Variants in PRIMPOL observed in about 807,000 individuals in gnomAD.
The protein encoded by PRIMPOL is primase and DNA directed polymerase, also known as DNA-directed primase/polymerase protein.
Under a neutral mutation model 63.6 loss-of-function variants are expected in PRIMPOL, and 54 were observed. That is an observed-to-expected ratio of 0.85 (90% CI 0.68 to 1.07). The LOEUF (loss-of-function observed/expected upper bound fraction) is 1.07. PRIMPOL is among the 50% of genes least tolerant of loss of function. The pLI is 0.00. For synonymous variants in PRIMPOL, 197 were observed against 220.2 expected (o/e 0.89, Z 0.93); for missense variants, 610 against 648.3 (o/e 0.94, Z 0.64).
chr4:184,671,949 C>T (rs997947832), intron 6 of PRIMPOL, among the ~76,000 whole-genome samples: 25 of 151,850 alleles, frequency 1.6e-4, no homozygotes, highest in African/African-American at 5.3e-4. Flanking sequence ...ACCGTGTTAA[C>T]CAGGATGGTC....
intron 2 of PRIMPOL, among the ~76,000 whole-genome samples, chr4:184,656,780 T>C (rs571185712): frequency 1.3e-5 from 2 of 152,374 alleles, no homozygotes; most frequent in Non-Finnish European, 2.9e-5. Flanking sequence ...GCTTATGTCT[T>C]ACCACATTTA....
chr4:184,661,663 A>G, intron 4 of PRIMPOL, 111 bp from the exon 5 acceptor site: 2 of 629,660 alleles, frequency 3.2e-6, no homozygotes, highest in South Asian at 2.4e-5. Context: ...CCGAGATCAC[A>G]CCACTGCAGT....
intron 4 of PRIMPOL, among the ~76,000 whole-genome samples, chr4:184,660,870 A>C (rs1360287887): frequency 1.3e-5 from 2 of 152,290 alleles, no homozygotes; most frequent in Non-Finnish European, 2.9e-5. Context: ...TCTGAATATC[A>C]CTTAGCCCAA....
chr4:184,693,144 T>C (rs10013374), intron 13 of PRIMPOL, among the ~76,000 whole-genome samples: 10,054 of 152,246 alleles, frequency 0.066, 1,065 homozygotes, highest in African/African-American at 0.23. Flanking sequence ...AAACTCCATA[T>C]GTTTGAAATG....
At chr4:184,664,292 T>C (rs927325567) in intron 5 of PRIMPOL, among the ~76,000 whole-genome samples, 22 of 152,258 alleles carry the variant, frequency 1.4e-4, no homozygotes, top group Non-Finnish European at 1.3e-4. Flanking sequence ...TCAGGCACTG[T>C]GCCCAGGCAC....
Position 184,682,350 on chromosome 4 carries a change from T to A in PRIMPOL, c.1096+14T>A, listed in dbSNP as rs1359245261. 1.4e-6 allele frequency: 2 copies of A among 1,445,166 alleles called. No individual in the cohort carries two copies. The highest frequency in any genetic ancestry group is 2.8e-5 in the African/African-American group (2 of 71,606). 89.5% of individuals were successfully genotyped at this position (1,445,166 alleles called of 1,614,324 possible). A position where few individuals can be genotyped will look rare whatever the true frequency, so the allele number is the denominator to read the frequency against. On this transcript the variant is annotated intron_variant, in intron 9 of 13. Transcript: ENST00000314970. Reference sequence around the variant, plus strand: ...TCGGCACTTCAGGTAAATTTTTTGATGTTTGTTTTTCTTTTTGAGACAGCA... The same window carrying A: ...TCGGCACTTCAGGTAAATTTTTTGAAGTTTGTTTTTCTTTTTGAGACAGCA...
intron 1 of PRIMPOL, among the ~76,000 whole-genome samples, chr4:184,651,290 CA>C (rs1203681677): frequency 6.9e-6 from 1 of 144,022 alleles, no homozygotes; most frequent in African/African-American, 2.8e-5. Flanking sequence ...GACTCTGTCT[CA>C]AAAAAAAGAA....
chr4:184,681,048 C>T (rs1257466262), intron 8 of PRIMPOL, among the ~76,000 whole-genome samples: 1 of 152,188 alleles, frequency 6.6e-6, no homozygotes, highest in Non-Finnish European at 1.5e-5. Flanking sequence ...TCGTTTCTTT[C>T]GCAGTTTAAA....
chr4:184,674,863 CAGCAGCTG>C (rs1392927629), intron 7 of PRIMPOL, among the ~76,000 whole-genome samples: 2 of 152,174 alleles, frequency 1.3e-5, no homozygotes, highest in Non-Finnish European at 2.9e-5. Flanking sequence ...ACGGCGACAA[CAGCAGCTG>C]AAACCTCAGT....
chr4:184,694,415 A>G (rs2150191391), intron 13 of PRIMPOL, 107 bp from the exon 14 acceptor site: 1 of 1,457,332 alleles, frequency 6.9e-7, no homozygotes, highest in Non-Finnish European at 9.1e-7. Context: ...TCACTTTAGT[A>G]TCTGTCACTT....
At chr4:184,670,701 C>G (rs1387288311) in intron 6 of PRIMPOL, among the ~76,000 whole-genome samples, 1 of 152,070 alleles carries the variant, frequency 6.6e-6, no homozygotes, top group South Asian at 2.1e-4. Flanking sequence ...GTGCCCAGCA[C>G]CACACCTGGC....
chr4:184,678,130 AATT>A, intron 7 of PRIMPOL, 99 bp from the exon 8 acceptor site: 1 of 660,716 alleles, frequency 1.5e-6, no homozygotes, highest in Non-Finnish European at 2.4e-6. Context: ...TATAGAAAAT[AATT>A]ATTTTTTATT....
At chr4:184,680,344 C>T (rs1247591602) in intron 8 of PRIMPOL, among the ~76,000 whole-genome samples, 2 of 152,146 alleles carry the variant, frequency 1.3e-5, no homozygotes, top group Non-Finnish European at 2.9e-5. Flanking sequence ...TGTGCCACCA[C>T]ACCCAGATAA....
chr4:184,661,965 G>A, intron 5 of PRIMPOL, 62 bp downstream of exon 5: 1 of 1,482,720 alleles, frequency 6.7e-7, no homozygotes, highest in Non-Finnish European at 9.2e-7. Context: ...TATTCATTCA[G>A]TGAATTCAGC....
At chr4:184,685,946 C>T (rs1008117104) in intron 11 of PRIMPOL, among the ~76,000 whole-genome samples, 19 of 152,090 alleles carry the variant, frequency 1.2e-4, no homozygotes, top group African/African-American at 4.3e-4. Flanking sequence ...GGATTACAGG[C>T]GCCTGCCACT....
At position 184,685,539 on chromosome 4, in the gene PRIMPOL, A is replaced by G. The variant is rs751796797; in HGVS notation, c.1187-37A>G. 27 of 1,591,880 alleles carry G rather than the reference A, an allele frequency of 1.7e-5. No homozygotes were observed. In the East Asian group the frequency reaches 5.4e-4, roughly 32 times the overall value. On this transcript the variant is annotated intron_variant, in intron 10 of 13. Coordinates refer to ENST00000314970, the MANE Select transcript of PRIMPOL (RefSeq NM_152683.4). ...TCCTTTGTTAACTGTTATATGATAG[A>G]GTGATAGTAGCTTTAGAAACATTAT...
intron 7 of PRIMPOL, among the ~76,000 whole-genome samples, chr4:184,673,327 C>T (rs1752380662): frequency 6.6e-6 from 1 of 151,762 alleles, no homozygotes; most frequent in Non-Finnish European, 1.5e-5. Flanking sequence ...GACGGGGTTT[C>T]ACCGTGTTAG....
At chr4:184,676,244 C>T (rs1251752689) in intron 7 of PRIMPOL, among the ~76,000 whole-genome samples, 1 of 151,712 alleles carries the variant, frequency 6.6e-6, no homozygotes, top group Non-Finnish European at 1.5e-5. Flanking sequence ...GTAGCTAGAA[C>T]TACAAGTGCA....
intron 11 of PRIMPOL, among the ~76,000 whole-genome samples, chr4:184,686,273 A>G (rs1463896026): frequency 6.6e-6 from 1 of 152,188 alleles, no homozygotes; most frequent in Non-Finnish European, 1.5e-5. Flanking sequence ...GGCTGGGAGA[A>G]GGCTGTGGGC....
Sources: gnomAD v4.1 joint callset for allele counts (sites outside exome capture counted in the v4.1 genomes callset) on GRCh38, gnomAD v4.1.1 for gene constraint, MANE v1.5 for transcripts, NCBI Gene and HGNC (gene_info 2026-07-23, HGNC 2026-07-21) for gene names.